The following PAFAH2 variants were observed in gnomAD, a reference collection of about 807,000 sequenced individuals.
The protein encoded by PAFAH2 is platelet activating factor acetylhydrolase 2, also known as platelet-activating factor acetylhydrolase 2, cytoplasmic.
Under a neutral mutation model 49.0 loss-of-function variants are expected in PAFAH2, and 42 were observed. That is an observed-to-expected ratio of 0.86 (90% confidence interval 0.67 to 1.11). PAFAH2 has a LOEUF of 1.11. Ranked by LOEUF, PAFAH2 falls within the 50% of genes least tolerant of loss-of-function variation. The pLI is 0.00. For missense variants in PAFAH2, 503 were observed against 501.8 expected (o/e 1.00, Z -0.02); for synonymous variants, 184 against 181.3 (o/e 1.01, Z -0.12).
rs2049903816 is a variant in PAFAH2, at chr1:25,993,693, G to A, written c.-47-2830C>T. 2.0e-5 allele frequency among the ~76,000 whole-genome samples: 3 copies of A among 152,092 alleles called. No individual in the cohort carries two copies. The South Asian group carries it at 6.2e-4, about 32-fold the overall frequency. On this transcript the variant is annotated intron_variant, in intron 1 of 10. Transcript: ENST00000374282. ...TGGGTTGTTCAGCCAGAGTGAAGGG[G>A]GATGAGCTCTGCTTAGCCTGAGACC...
At chr1:25,965,200 T>G (rs1296779178) in intron 10 of PAFAH2, among the ~76,000 whole-genome samples, 2 of 152,152 alleles carry the variant, frequency 1.3e-5, no homozygotes, top group Admixed American at 6.5e-5. Flanking sequence ...CTGGAAAAAT[T>G]GGATAGCCAT....
chr1:25,991,563 T>C lies in PAFAH2; in HGVS notation c.-47-700A>G, dbSNP rs529112637. Among the ~76,000 whole-genome samples the C allele has an allele frequency of 1.0e-4, 15 of 146,092 alleles. No homozygotes were observed. The South Asian group carries it at 3.5e-3, about 34-fold the overall frequency. ...TCCCAAAGTGCTGGGATTACAGGCG[T>C]GAGCCACCGCGCCTGGCCTGAGGTA... On this transcript the variant is annotated intron_variant, in intron 1 of 10. Coordinates refer to ENST00000374282, the MANE Select transcript of PAFAH2 (RefSeq NM_000437.4).
chr1:25,988,192 C>T, intron 4 of PAFAH2, 39 bp downstream of exon 4: 1 of 1,328,838 alleles, frequency 7.5e-7, no homozygotes, highest in East Asian at 2.5e-5. Context: ...TGTCACCAGG[C>T]AAGGAGTATG....
chr1:25,976,032 G>A (rs939214370), intron 8 of PAFAH2, among the ~76,000 whole-genome samples: 1 of 152,088 alleles, frequency 6.6e-6, no homozygotes, highest in Non-Finnish European at 1.5e-5. Flanking sequence ...CAGGGCCTTT[G>A]CATTAGCTAT....
At chr1:25,974,768 A>AG (rs1015179046) in intron 8 of PAFAH2, 118 bp from the exon 9 acceptor site, 15 of 902,006 alleles carry the variant, frequency 1.7e-5, no homozygotes, top group East Asian at 2.8e-5. Flanking sequence ...GAAAGCCAGG[A>AG]GGGGGGTACC....
chr1:25,983,386 AAAAAAT>A (rs1160088442), intron 6 of PAFAH2, among the ~76,000 whole-genome samples: 1 of 152,062 alleles, frequency 6.6e-6, no homozygotes. Flanking sequence ...CTCTGTCCCA[AAAAAAT>A]AAAAATAAAA....
At chr1:25,991,239 CTA>C (rs2049870316) in intron 1 of PAFAH2, among the ~76,000 whole-genome samples, 1 of 152,112 alleles carries the variant, frequency 6.6e-6, no homozygotes, top group South Asian at 2.1e-4. Context: ...TTTATAGACA[CTA>C]TACACATTGC....
rs10794519 is a variant in PAFAH2 at position 25,979,318 on chromosome 1, C to T, written c.667-2545G>A. 1.2e-3 allele frequency among the ~76,000 whole-genome samples: 41 copies of T among 34,486 alleles called. 1 individual carries two copies. Among genetic ancestry groups the T allele is most frequent in the Non-Finnish European group, 3.2e-3 (22 of 6,934 alleles). The allele number at this position is 34,486 out of a possible 152,430, so 22.6% of individuals were successfully genotyped here. On this transcript the variant is annotated intron_variant, in intron 7 of 10. Coordinates refer to ENST00000374282, the MANE Select transcript of PAFAH2 (RefSeq NM_000437.4). ...GACTGTAGCCTGCCATTTACCAATG[C>T]CTTTTTTTTTTTTTTTTGAGATAGT...
chr1:25,986,915 G>C (rs766393149), intron 4 of PAFAH2, among the ~76,000 whole-genome samples: 1 of 152,048 alleles, frequency 6.6e-6, no homozygotes, highest in Non-Finnish European at 1.5e-5. Context: ...GCACTGCTTT[G>C]AGTGCTGGAA....
At chr1:25,963,420 G>GA (rs1572336323) in intron 10 of PAFAH2, among the ~76,000 whole-genome samples, 2 of 151,992 alleles carry the variant, frequency 1.3e-5, no homozygotes, top group Non-Finnish European at 1.5e-5. Context: ...AGGTGCCATG[G>GA]AAAAAAAATA....
intron 2 of PAFAH2, among the ~76,000 whole-genome samples, chr1:25,990,395 C>T (rs777032392): frequency 4.6e-5 from 7 of 152,166 alleles, no homozygotes; most frequent in Non-Finnish European, 8.8e-5. Context: ...CTCTCACACA[C>T]TCAGATTATG....
rs9438538 is a variant in PAFAH2 at position 25,989,687 on chromosome 1, C to A, written c.91-86G>T. The stretch of plus-strand genomic sequence containing the variant: ...CCACACTCAGCAGGTGTTTGGGGCA[C>A]CAGCAAAACAGGGCACCAAAACAGG... On this transcript the variant is annotated intron_variant, in intron 2 of 10. Transcript: ENST00000374282. The A allele has an allele frequency of 1.9e-3, 2,237 of 1,148,468 alleles. 33 individuals are homozygous for A. In the African/African-American group the frequency reaches 0.031, roughly 16 times the overall value. 71.1% of individuals were successfully genotyped at this position (1,148,468 alleles called of 1,614,324 possible). A position where few individuals can be genotyped will look rare whatever the true frequency, so the allele number is the denominator to read the frequency against.
intron 9 of PAFAH2, among the ~76,000 whole-genome samples, chr1:25,973,509 C>T (rs1367972505): frequency 6.6e-6 from 1 of 152,170 alleles, no homozygotes; most frequent in Non-Finnish European, 1.5e-5. Context: ...CATTGCCAGG[C>T]GTTAAGTCCC....
intron 1 of PAFAH2, among the ~76,000 whole-genome samples, chr1:25,995,500 T>C (rs903531641): frequency 6.6e-6 from 1 of 152,242 alleles, no homozygotes; most frequent in African/African-American, 2.4e-5. Flanking sequence ...TGAGAACCTC[T>C]GGTCTAGACT....
rs561475158 is a variant in PAFAH2 at position 25,960,896 on chromosome 1, C to T, written c.*1093G>A. The T allele has an allele frequency of 3.9e-5, 6 of 152,070 alleles. No homozygotes were observed. The highest frequency in any genetic ancestry group is 1.2e-4 in the African/African-American group (5 of 41,454). 9.4% of individuals were successfully genotyped at this position (152,070 alleles called of 1,614,324 possible). ...TCTTGACTCACTGCAACCTCCGCCT[C>T]CTAGGTTCAAGTGATTCTTCTGCTT... On this transcript the variant is annotated 3_prime_UTR_variant, in exon 11 of 11. Transcript: ENST00000374282.
At chr1:25,979,380 A>G (rs899430505) in intron 7 of PAFAH2, among the ~76,000 whole-genome samples, 1 of 151,186 alleles carries the variant, frequency 6.6e-6, no homozygotes, top group African/African-American at 2.4e-5. Context: ...CAGTGGCACA[A>G]TCTTGGCTCA....
In PAFAH2 at chr1:25,982,439, C is replaced by T. The variant is rs1253802446; in HGVS notation, c.591G>A (p.Lys197=). The T allele has an allele frequency of 6.2e-7, 1 of 1,614,038 alleles. No individual in the cohort carries two copies. Among genetic ancestry groups the T allele is most frequent in the Admixed American group, 1.7e-5 (1 of 60,006 alleles). Reference sequence around the variant, plus strand: ...GCCCAGCAGTGACCTCTTGCAGGATCTTCAACACCCGTAAACACTCGCTTA... The same window carrying T: ...GCCCAGCAGTGACCTCTTGCAGGATTTTCAACACCCGTAAACACTCGCTTA... ...QRVSECLRVL[K]ILQEVTAGQT... is the part of the protein sequence containing the mutation. Residue 197 remains lysine, a synonymous_variant, in exon 7 of 11, where the codon AAG becomes AAA. Coordinates refer to ENST00000374282, the MANE Select transcript of PAFAH2 (RefSeq NM_000437.4).
chr1:25,970,564 C>T (rs2124325727), intron 10 of PAFAH2, among the ~76,000 whole-genome samples: 1 of 152,120 alleles, frequency 6.6e-6, no homozygotes, highest in South Asian at 2.1e-4. Context: ...ACATTATAGT[C>T]AAGTCAGGGC....
chr1:25,984,654 C>T (rs2049753201), intron 4 of PAFAH2, 126 bp from the exon 5 acceptor site: 1 of 682,886 alleles, frequency 1.5e-6, no homozygotes, highest in East Asian at 2.7e-5. Flanking sequence ...CTGTCTACCT[C>T]TGGCTTCCTT....
Sources: allele counts gnomAD v4.1 joint callset (sites outside exome capture counted in the v4.1 genomes callset), GRCh38; gene constraint gnomAD v4.1.1; transcripts MANE v1.5; gene names NCBI Gene and HGNC (gene_info 2026-07-23, HGNC 2026-07-21).